Variants in LDLRAD4 observed in about 807,000 individuals in gnomAD.
The protein encoded by LDLRAD4 is low density lipoprotein receptor class A domain containing 4, also known as low-density lipoprotein receptor class A domain-containing protein 4.
In LDLRAD4, 5 loss-of-function variants were observed where a neutral mutation model predicts 17.0. The ratio of observed to expected loss-of-function variants is 0.29; its 90% CI spans 0.15 to 0.62. LDLRAD4 has a LOEUF of 0.62. Among genes scored for constraint, LDLRAD4 ranks in the 20% least tolerant of loss-of-function variants. LDLRAD4 has a pLI of 0.84. For missense variants in LDLRAD4, 340 were observed against 424.7 expected (o/e 0.80, Z 1.75); for synonymous variants, 168 against 171.8 (o/e 0.98, Z 0.17).
At chr18:13,255,483 G>A (rs761980019) in intron 1 of LDLRAD4, among the ~76,000 whole-genome samples, 2 of 152,222 alleles carry the variant, frequency 1.3e-5, no homozygotes, top group African/African-American at 2.4e-5. Flanking sequence ...AGAGGAGCAG[G>A]GGGTGCAGAG....
intron 3 of LDLRAD4, among the ~76,000 whole-genome samples, chr18:13,601,511 G>A (rs111255451): frequency 0.027 from 4,130 of 152,084 alleles, 58 homozygotes; most frequent in African/African-American, 0.043. Flanking sequence ...GAACACTTCC[G>A]GGCATGGTGG....
At chr18:13,649,834 T>C (rs2043171258) in exon 6 of LDLRAD4, 2 of 392,730 alleles carry the variant, frequency 5.1e-6, no homozygotes, top group East Asian at 7.2e-5. Context: ...AGCCAAGCCT[T>C]CATGCCACGA....
At chr18:13,586,692 C>T (rs978564284) in intron 3 of LDLRAD4, among the ~76,000 whole-genome samples, 3 of 151,780 alleles carry the variant, frequency 2.0e-5, no homozygotes, top group Non-Finnish European at 4.4e-5. Flanking sequence ...TTTGAGACCC[C>T]AGCCTGGCCA....
chr18:13,261,259 G>A (rs1177439883), intron 1 of LDLRAD4, among the ~76,000 whole-genome samples: 3 of 152,168 alleles, frequency 2.0e-5, no homozygotes, highest in Admixed American at 1.3e-4. Context: ...ATAGACCAGC[G>A]GGTTCTTGCT....
At chr18:13,230,468 A>G (rs1301138775) in intron 1 of LDLRAD4, among the ~76,000 whole-genome samples, 1 of 152,230 alleles carries the variant, frequency 6.6e-6, no homozygotes, top group Non-Finnish European at 1.5e-5. Context: ...AACTTTGTAT[A>G]TTATGTGTAC....
At chr18:13,335,722 GTATA>G (rs2082072584) in intron 1 of LDLRAD4, among the ~76,000 whole-genome samples, 5 of 152,180 alleles carry the variant, frequency 3.3e-5, no homozygotes, top group African/African-American at 1.2e-4. Flanking sequence ...GCCTGGCTGG[GTATA>G]AATTCTTGGC....
chr18:13,535,706 G>A (rs2094192824), intron 3 of LDLRAD4, among the ~76,000 whole-genome samples: 1 of 152,134 alleles, frequency 6.6e-6, no homozygotes, highest in African/African-American at 2.4e-5. Flanking sequence ...TGGATTTCAT[G>A]TCCTGTTTAA....
chr18:13,319,839 A>G (rs930949790), intron 1 of LDLRAD4, among the ~76,000 whole-genome samples: 5 of 152,230 alleles, frequency 3.3e-5, no homozygotes, highest in Non-Finnish European at 7.3e-5. Context: ...TTCCGGGAAC[A>G]GTTGCCTCAT....
At chr18:13,505,615 T>G (rs145230208) in intron 3 of LDLRAD4, among the ~76,000 whole-genome samples, 1,782 of 152,180 alleles carry the variant, frequency 0.012, 13 homozygotes, top group South Asian at 0.027. Context: ...GTCAGGAGAT[T>G]GAGACCATCC....
intron 3 of LDLRAD4, chr18:13,611,384 G>A: frequency 1.3e-6 from 1 of 782,494 alleles, no homozygotes; most frequent in Non-Finnish European, 1.6e-6. Context: ...TACCATGGCA[G>A]GCTGCCCTTT....
At chr18:13,357,161 AAC>A (rs961628273) in intron 1 of LDLRAD4, among the ~76,000 whole-genome samples, 2 of 152,176 alleles carry the variant, frequency 1.3e-5, no homozygotes, top group African/African-American at 4.8e-5. Context: ...AAAAAACAAA[AAC>A]AACAACAACA....
intron 2 of LDLRAD4, among the ~76,000 whole-genome samples, chr18:13,394,560 A>G (rs896087308): frequency 4.6e-5 from 7 of 152,244 alleles, no homozygotes; most frequent in African/African-American, 1.7e-4. Context: ...AATGTGACAG[A>G]TGAGTTTGTT....
At chr18:13,503,472 GA>G (rs56052447) in intron 3 of LDLRAD4, among the ~76,000 whole-genome samples, 122,363 of 152,042 alleles carry the variant, frequency 0.8, 50,480 homozygotes, top group Non-Finnish European at 0.9. Flanking sequence ...TGGAGACTTT[GA>G]AAAAAATCTT....
At chr18:13,557,540 A>G (rs2094496658) in intron 3 of LDLRAD4, among the ~76,000 whole-genome samples, 1 of 152,158 alleles carries the variant, frequency 6.6e-6, no homozygotes, top group South Asian at 2.1e-4. Context: ...AGCTGGGACT[A>G]CAGGCATGCG....
chr18:13,493,643 G>A (rs772302808), intron 3 of LDLRAD4, among the ~76,000 whole-genome samples: 16 of 152,202 alleles, frequency 1.1e-4, no homozygotes, highest in East Asian at 9.6e-4. Flanking sequence ...ATAGGACACC[G>A]TGCCTGACTG....
At chr18:13,302,298 T>C (rs2046651497) in intron 1 of LDLRAD4, among the ~76,000 whole-genome samples, 1 of 152,222 alleles carries the variant, frequency 6.6e-6, no homozygotes, top group Non-Finnish European at 1.5e-5. Context: ...ACAAGATTAG[T>C]GGTTTTCTGT....
rs77680244 is a variant in LDLRAD4, at chr18:13,400,256, C to T, written c.40+12494C>T. ...CTTGCACAGTTAGTTTATTCTTTAG[C>T]GTGGGGTAAAAGAGAGGGAATCATG... On this transcript the variant is annotated intron_variant, in intron 2 of 5. Coordinates refer to ENST00000359446, the Ensembl canonical transcript of LDLRAD4. Among the ~76,000 whole-genome samples the T allele has an allele frequency of 9.8e-3, 1,488 of 152,264 alleles. 20 individuals carry two copies. The highest frequency in any genetic ancestry group is 0.034 in the African/African-American group (1,428 of 41,540).
intron 3 of LDLRAD4, among the ~76,000 whole-genome samples, chr18:13,607,857 C>T (rs909684190): frequency 1.3e-5 from 2 of 152,120 alleles, no homozygotes; most frequent in East Asian, 3.9e-4. Flanking sequence ...GATGGGTGTT[C>T]GGGTTCTTTC....
chr18:13,362,108 C>T (rs764504131), intron 1 of LDLRAD4: 8 of 151,970 alleles, frequency 5.3e-5, no homozygotes, highest in Admixed American at 1.3e-4. Context: ...CAAGCAGAGG[C>T]GTGAGCGAGA....
Sources: allele counts gnomAD v4.1 joint callset (sites outside exome capture counted in the v4.1 genomes callset), GRCh38; gene constraint gnomAD v4.1.1; transcripts MANE v1.5; gene names NCBI Gene and HGNC (gene_info 2026-07-23, HGNC 2026-07-21).